The following GRK5 variants were observed in gnomAD, a reference collection of about 807,000 sequenced individuals.
The protein encoded by GRK5 is g protein-coupled receptor kinase GRK5.
In GRK5, 40 loss-of-function variants were observed where a neutral mutation model predicts 78.4. That is an observed-to-expected ratio of 0.51 (90% CI 0.40 to 0.66). The LOEUF is 0.66. Ranked by LOEUF, GRK5 falls within the 30% of genes least tolerant of loss-of-function variation. GRK5 has a pLI of 0.00. For missense variants in GRK5, 598 were observed against 759.9 expected (o/e 0.79, Z 2.50); for synonymous variants, 289 against 296.8 (o/e 0.97, Z 0.27).
chr10:119,451,514 G>A (rs983527213), intron 13 of GRK5, among the ~76,000 whole-genome samples: 2 of 152,138 alleles, frequency 1.3e-5, no homozygotes, highest in South Asian at 2.1e-4. Flanking sequence ...TGGACCCTGC[G>A]TTTTCATTCT....
chr10:119,326,678 A>G, intron 2 of GRK5, 67 bp downstream of exon 2: 1 of 1,203,350 alleles, frequency 8.3e-7, no homozygotes, highest in Non-Finnish European at 1.2e-6. Context: ...CCGTTTGTGC[A>G]TTAAGGCAAA....
At chr10:119,272,445 G>A (rs377573341) in intron 1 of GRK5, among the ~76,000 whole-genome samples, 20 of 152,040 alleles carry the variant, frequency 1.3e-4, no homozygotes, top group African/African-American at 4.8e-4. Flanking sequence ...GCATGATGGC[G>A]GGTGACTATA....
intron 1 of GRK5, among the ~76,000 whole-genome samples, chr10:119,213,937 A>G (rs1017116874): frequency 2.0e-5 from 3 of 151,858 alleles, no homozygotes; most frequent in Non-Finnish European, 2.9e-5. Context: ...AAAAGATGCA[A>G]TTGGGCACTG....
chr10:119,450,149 T>C (rs1363550918), intron 13 of GRK5, among the ~76,000 whole-genome samples: 1 of 152,198 alleles, frequency 6.6e-6, no homozygotes. Context: ...GTTGAGTGCA[T>C]GAACATCACG....
intron 13 of GRK5, 120 bp downstream of exon 13, chr10:119,448,380 C>T: frequency 2.6e-6 from 3 of 1,163,076 alleles, no homozygotes; most frequent in Non-Finnish European, 3.6e-6. Flanking sequence ...TTGTGGGGAC[C>T]AGGGTCCCCT....
intron 2 of GRK5, among the ~76,000 whole-genome samples, chr10:119,343,160 G>C (rs1211417541): frequency 6.6e-6 from 1 of 152,210 alleles, no homozygotes; most frequent in East Asian, 1.9e-4. Flanking sequence ...AGTGTGCAAG[G>C]CGGGTGGCTG....
intron 4 of GRK5, among the ~76,000 whole-genome samples, chr10:119,399,355 C>T (rs529814978): frequency 2.2e-4 from 33 of 152,314 alleles, no homozygotes; most frequent in Admixed American, 3.9e-4. Flanking sequence ...TGCCCCAGTG[C>T]CCCAGATGCA....
intron 1 of GRK5, among the ~76,000 whole-genome samples, chr10:119,297,468 G>A (rs1850103354): frequency 1.3e-5 from 2 of 152,188 alleles, no homozygotes; most frequent in African/African-American, 4.8e-5. Context: ...TCTGGCAAAG[G>A]ACTTTGCTAT....
chr10:119,386,994 C>T (rs1484893096), intron 3 of GRK5, among the ~76,000 whole-genome samples: 6 of 152,136 alleles, frequency 3.9e-5, no homozygotes, highest in African/African-American at 1.4e-4. Context: ...AGGCTCCTCT[C>T]CTGCACAGTA....
chr10:119,276,562 C>T (rs952843148), intron 1 of GRK5, among the ~76,000 whole-genome samples: 2 of 152,118 alleles, frequency 1.3e-5, no homozygotes, highest in Non-Finnish European at 1.5e-5. Flanking sequence ...AATAAACATA[C>T]GTGTGCATGT....
intron 2 of GRK5, among the ~76,000 whole-genome samples, chr10:119,339,210 A>G (rs1397032425): frequency 2.6e-5 from 4 of 152,186 alleles, no homozygotes; most frequent in Admixed American, 6.5e-5. Context: ...TTTTCTGTCT[A>G]TTTTAAGGCC....
chr10:119,394,310 G>GGGGGGGTGT (rs879369072), intron 3 of GRK5, among the ~76,000 whole-genome samples: 15 of 12,094 alleles, frequency 1.2e-3, no homozygotes, highest in Non-Finnish European at 1.2e-3. Flanking sequence ...GTCTGTGTGG[G>GGGGGGGTGT]CACGTGGGTG....
At chr10:119,405,556 G>T (rs1174753024) in intron 4 of GRK5, among the ~76,000 whole-genome samples, 1 of 151,976 alleles carries the variant, frequency 6.6e-6, no homozygotes, top group Non-Finnish European at 1.5e-5. Context: ...CCCTCCTCTG[G>T]CTCCCCACCC....
chr10:119,451,671 G>A (rs775658044), intron 13 of GRK5, among the ~76,000 whole-genome samples: 8 of 152,206 alleles, frequency 5.3e-5, no homozygotes, highest in Non-Finnish European at 1.0e-4. Context: ...TTCCGTCCAC[G>A]TGCACTTGGG....
In GRK5 at chr10:119,430,173, G is replaced by C. The variant is rs1448781815; in HGVS notation, c.534-202G>C. On this transcript the variant is annotated intron_variant, in intron 6 of 15. Transcript: ENST00000392870. The surrounding 1 kb of genome is among the most constrained non-coding windows in gnomAD (Gnocchi z 4.5). ...GCAGGGGGCTGGGGGCTGGGGGCCA[G>C]GGGGCTTGGGATTTGAACACTCAGC... Among the ~76,000 whole-genome samples the C allele has an allele frequency of 6.6e-6, 1 of 152,164 alleles. No homozygotes were observed. The highest frequency in any genetic ancestry group is 6.5e-5 in the Admixed American group (1 of 15,280).
chr10:119,320,387 G>A (rs1850564776), intron 1 of GRK5, among the ~76,000 whole-genome samples: 1 of 152,228 alleles, frequency 6.6e-6, no homozygotes, highest in African/African-American at 2.4e-5. Flanking sequence ...GCTGTGGGCT[G>A]GGTCTGGGAG....
At chr10:119,231,662 G>A (rs56315379) in intron 1 of GRK5, among the ~76,000 whole-genome samples, 28,124 of 149,070 alleles carry the variant, frequency 0.19, 3,507 homozygotes, top group African/African-American at 0.36. Flanking sequence ...AGCCGAGATC[G>A]TGCCACCGCA....
At chr10:119,428,901 T>C (rs1388000855) in intron 6 of GRK5, among the ~76,000 whole-genome samples, 1 of 152,214 alleles carries the variant, frequency 6.6e-6, no homozygotes, top group African/African-American at 2.4e-5. Context: ...GGAGCTTGCA[T>C]TCCACTCATT....
intron 3 of GRK5, among the ~76,000 whole-genome samples, chr10:119,386,393 T>C (rs566043751): frequency 6.6e-6 from 1 of 152,254 alleles, no homozygotes; most frequent in East Asian, 1.9e-4. Context: ...AGGCTAAGCC[T>C]AGGAGTCGGT....
Sources: allele counts gnomAD v4.1 joint callset (sites outside exome capture counted in the v4.1 genomes callset), GRCh38; gene constraint gnomAD v4.1.1; non-coding constraint Gnocchi (gnomAD v3.1); transcripts MANE v1.5; gene names NCBI Gene and HGNC (gene_info 2026-07-23, HGNC 2026-07-21).